LSAMP: variants seen among roughly 807,000 people sequenced by gnomAD.
LSAMP encodes the protein limbic system associated membrane protein.
A neutral mutation model predicts 38.6 loss-of-function variants in LSAMP; 7 were observed. The ratio of observed to expected loss-of-function variants is 0.18; its 90% confidence interval spans 0.10 to 0.34. The LOEUF is 0.34. LSAMP is among the 10% of genes least tolerant of loss of function. LSAMP has a pLI of 1.00. For synonymous variants in LSAMP, 154 were observed against 166.8 expected, an observed-to-expected ratio of 0.92 and a Z score of 0.59; for missense variants, 313 against 420.0, an observed-to-expected ratio of 0.75 and a Z score of 2.23.
intron 1 of LSAMP, among the ~76,000 whole-genome samples, chr3:116,164,630 T>G (rs1260724089): frequency 8.1e-6 from 1 of 123,570 alleles, no homozygotes; most frequent in Non-Finnish European, 1.7e-5. Flanking sequence ...ATAATCCAAA[T>G]ATATATATAT....
intron 3 of LSAMP, among the ~76,000 whole-genome samples, chr3:115,904,911 G>GTCC (rs1197382174): frequency 6.6e-6 from 1 of 152,070 alleles, no homozygotes; most frequent in Non-Finnish European, 1.5e-5. Flanking sequence ...TTTTGGACCC[G>GTCC]TAGAGAACTT....
chr3:116,303,183 A>C (rs1484795953), intron 1 of LSAMP, among the ~76,000 whole-genome samples: 1 of 152,230 alleles, frequency 6.6e-6, no homozygotes. Flanking sequence ...CGAAATGTCA[A>C]GTTGTCTCTG....
intron 1 of LSAMP, among the ~76,000 whole-genome samples, chr3:116,391,167 G>A (rs1401999677): frequency 2.6e-5 from 4 of 152,150 alleles, no homozygotes; most frequent in Non-Finnish European, 2.9e-5. Context: ...GAATGATTCC[G>A]GGGAAATCAC....
chr3:116,221,492 C>G (rs1336602146), intron 1 of LSAMP, among the ~76,000 whole-genome samples: 1 of 152,166 alleles, frequency 6.6e-6, no homozygotes, highest in Non-Finnish European at 1.5e-5. Context: ...GTATGAGCCT[C>G]CACTCATTTG....
chr3:115,814,894 C>T (rs1307259388), intron 6 of LSAMP, among the ~76,000 whole-genome samples: 1 of 152,124 alleles, frequency 6.6e-6, no homozygotes, highest in Non-Finnish European at 1.5e-5. Flanking sequence ...AGCATCTAGC[C>T]CAGCGGACTA....
intron 1 of LSAMP, among the ~76,000 whole-genome samples, chr3:116,274,658 G>A (rs1247498933): frequency 2.6e-5 from 4 of 151,754 alleles, no homozygotes; most frequent in Non-Finnish European, 5.9e-5. Context: ...CAGTGAGACA[G>A]AAATTTGTCA....
intron 2 of LSAMP, among the ~76,000 whole-genome samples, chr3:116,021,920 G>A (rs1290556907): frequency 6.6e-6 from 1 of 151,730 alleles, no homozygotes; most frequent in Non-Finnish European, 1.5e-5. Context: ...GATAAAGTTG[G>A]GAATAAAATC....
intron 3 of LSAMP, among the ~76,000 whole-genome samples, chr3:115,964,276 A>G (rs1022839081): frequency 6.6e-6 from 1 of 152,178 alleles, no homozygotes; most frequent in African/African-American, 2.4e-5. Flanking sequence ...TCATGTTTGA[A>G]TCTCACATAT....
chr3:116,164,481 A>G (rs1709981680), intron 1 of LSAMP, among the ~76,000 whole-genome samples: 1 of 148,820 alleles, frequency 6.7e-6, no homozygotes, highest in Non-Finnish European at 1.5e-5. Context: ...CGTTTGCACC[A>G]ACCTAAACAG....
intron 3 of LSAMP, among the ~76,000 whole-genome samples, chr3:115,884,229 A>C (rs1015195792): frequency 1.3e-5 from 2 of 152,062 alleles, no homozygotes; most frequent in Non-Finnish European, 2.9e-5. Context: ...ATAATACATA[A>C]AGAGAATGAT....
intron 1 of LSAMP, among the ~76,000 whole-genome samples, chr3:116,343,720 CT>C (rs67888072): frequency 0.17 from 25,150 of 151,878 alleles, 2,562 homozygotes; most frequent in African/African-American, 0.28. Flanking sequence ...ATTTCTTCAT[CT>C]TCAAAAAGCA....
intron 3 of LSAMP, among the ~76,000 whole-genome samples, chr3:115,889,191 G>A (rs559155370): frequency 6.6e-6 from 1 of 151,918 alleles, no homozygotes. Context: ...GGTTCCTTGT[G>A]TTTAAAAACT....
intron 3 of LSAMP, among the ~76,000 whole-genome samples, chr3:115,894,621 T>C (rs1445831884): frequency 6.6e-6 from 1 of 152,096 alleles, no homozygotes; most frequent in Admixed American, 6.6e-5. Context: ...TTTAATGCAT[T>C]GTTCATGAAA....
At chr3:116,338,550 C>G (rs1175894704) in intron 1 of LSAMP, among the ~76,000 whole-genome samples, 1 of 151,906 alleles carries the variant, frequency 6.6e-6, no homozygotes, top group Non-Finnish European at 1.5e-5. Context: ...CATCTTTATT[C>G]TTTTATTTTC....
chr3:116,127,327 C>T (rs986914754), intron 1 of LSAMP, among the ~76,000 whole-genome samples: 1 of 152,098 alleles, frequency 6.6e-6, no homozygotes, highest in Non-Finnish European at 1.5e-5. Flanking sequence ...ACATACATGT[C>T]TTGGTCAAAA....
chr3:116,307,425 A>G (rs372926115), intron 1 of LSAMP, among the ~76,000 whole-genome samples: 1 of 151,998 alleles, frequency 6.6e-6, no homozygotes, highest in African/African-American at 2.4e-5. Context: ...AATGGAGCCA[A>G]CTTGGGTTGT....
intron 1 of LSAMP, among the ~76,000 whole-genome samples, chr3:116,270,800 G>A (rs1035246437): frequency 3.3e-5 from 5 of 151,908 alleles, no homozygotes; most frequent in African/African-American, 9.7e-5. Flanking sequence ...CAGGTTCTGC[G>A]AACAAAACCA....
intron 4 of LSAMP, among the ~76,000 whole-genome samples, chr3:115,845,713 T>C (rs531132877): frequency 2.0e-5 from 3 of 152,312 alleles, no homozygotes; most frequent in African/African-American, 7.2e-5. Flanking sequence ...CTAGCCACCT[T>C]GATCTCTAAA....
At chr3:116,079,773 G>T (rs1707833292) in intron 2 of LSAMP, among the ~76,000 whole-genome samples, 1 of 151,274 alleles carries the variant, frequency 6.6e-6, no homozygotes, top group South Asian at 2.1e-4. Flanking sequence ...CAAAAAAAAA[G>T]TTGCCTATTT....
Sources: allele counts gnomAD v4.1 joint callset (sites outside exome capture counted in the v4.1 genomes callset), GRCh38; gene constraint gnomAD v4.1.1; transcripts MANE v1.5; gene names NCBI Gene and HGNC (gene_info 2026-07-23, HGNC 2026-07-21).